The following FAT2 variants were observed in gnomAD, a reference collection of about 807,000 sequenced individuals.
The protein encoded by FAT2 is FAT atypical cadherin 2.
FAT2 carries 150 observed loss-of-function variants against 295.3 expected under a neutral mutation model. The ratio of observed to expected loss-of-function variants is 0.51; its 90% CI spans 0.44 to 0.58. The LOEUF is 0.58. FAT2 is among the 20% of genes least tolerant of loss of function. The pLI is 0.00. For synonymous variants in FAT2, 2,026 were observed against 2,150.3 expected, an observed-to-expected ratio of 0.94 and a Z score of 1.60; for missense variants, 4,868 against 5,442.7, an observed-to-expected ratio of 0.89 and a Z score of 3.32.
At chr5:151,513,938 T>G (rs931564303) in intron 20 of FAT2, among the ~76,000 whole-genome samples, 3 of 152,182 alleles carry the variant, frequency 2.0e-5, no homozygotes, top group Non-Finnish European at 4.4e-5. Flanking sequence ...GTGTAAAAAG[T>G]CCTGAAGTCA....
At chr5:151,590,769 C>T (rs1019798067) in intron 1 of FAT2, among the ~76,000 whole-genome samples, 6 of 152,212 alleles carry the variant, frequency 3.9e-5, no homozygotes, top group Non-Finnish European at 7.3e-5. Context: ...GCACTTCCCC[C>T]TAAAAACTGC....
rs1464442590 is a variant in FAT2 at position 151,507,449 on chromosome 5, C to G, written c.12222G>C (p.Lys4074Asn). 1 of 1,614,060 alleles carries G rather than the reference C, an allele frequency of 6.2e-7. No homozygotes were observed. Among genetic ancestry groups the G allele is most frequent in the Non-Finnish European group, 8.5e-7 (1 of 1,180,036 alleles). The change falls in exon 23 of 24, where the codon AAG (lysine) becomes AAC (asparagine). Residue 4074 changes from lysine (K) to asparagine (N), a missense_variant. This residue lies in a region of FAT2 where 492 missense variants were observed against 482.6 expected (regional missense o/e 1.02). Transcript: ENST00000261800. ...VGLLFYCRRC[K>N]SHKPVAMEDP... ...CCTCCATGGCCACAGGCTTGTGAGA[C>G]TTGCAACGGCGGCAGTAGAAGAGAA...
Position 151,521,385 on chromosome 5 carries a change from G to T in FAT2, c.11208C>A (p.Ile3736=). ...PCQGPTCQGQ[I]CHNTVHLDPK... ...GGTCCAGATGCACTGTGTTATGGCA[G>T]ATTTGACCCTGGCAGGTTGGCCCCT... Residue 3736 remains isoleucine (I), a synonymous_variant, in exon 19 of 24, where the codon ATC becomes ATA. Transcript: ENST00000261800. The T allele has an allele frequency of 1.2e-6, 2 of 1,614,224 alleles. No individual in the cohort carries two copies. The highest frequency in any genetic ancestry group is 2.2e-5 in the East Asian group (1 of 44,890).
At chr5:151,548,582 G>A (rs540544420) in intron 9 of FAT2, among the ~76,000 whole-genome samples, 1 of 152,252 alleles carries the variant, frequency 6.6e-6, no homozygotes, top group African/African-American at 2.4e-5. Flanking sequence ...CCAGGTTCAA[G>A]CGATTCTCCT....
In FAT2 at chr5:151,546,173, G is replaced by A. The variant is rs1042678397; in HGVS notation, c.4954C>T (p.Pro1652Ser). ...AAGATGGGGGCACTCCTATCTGAGG[G>A]ATAGACATGAATGATCACTGTAGCC... ...DLATVIIHVY[P>S]SDRSAPIFSK... The change falls in exon 10 of 24, where the codon CCC becomes TCC. Residue 1652 changes from proline to serine, a missense_variant. By Grantham distance (74) the Pro-to-Ser change is moderately conservative (BLOSUM62 -1). This residue lies in a region of FAT2 where 3,297 missense variants were observed against 3,669.4 expected (regional missense o/e 0.90). Transcript: ENST00000261800. 2 of 1,614,156 alleles carry A rather than the reference G, an allele frequency of 1.2e-6. No individual in the cohort carries two copies. Among genetic ancestry groups the A allele is most frequent in the Non-Finnish European group, 1.7e-6 (2 of 1,180,034 alleles).
intron 20 of FAT2, among the ~76,000 whole-genome samples, chr5:151,513,726 T>G (rs114949483): frequency 0.012 from 1,873 of 152,292 alleles, 40 homozygotes; most frequent in African/African-American, 0.043. Flanking sequence ...AACCTGCATA[T>G]GTACCCCCGA....
At chr5:151,519,141 C>T (rs757121152) in intron 19 of FAT2, among the ~76,000 whole-genome samples, 1 of 152,172 alleles carries the variant, frequency 6.6e-6, no homozygotes, top group Admixed American at 6.5e-5. Flanking sequence ...GTCAGGAGTT[C>T]GAGACCAGCC....
Position 151,531,950 on chromosome 5 carries a change from A to G in FAT2, c.9448T>C (p.Tyr3150His), listed in dbSNP as rs1754669077. The change falls in exon 14 of 24, where the codon TAC (tyrosine) becomes CAC (histidine). Residue 3150 changes from tyrosine (Y) to histidine (H), a missense_variant. Physicochemically the swap from Tyr to His is moderately conservative, Grantham distance 83 (BLOSUM62 2). Transcript: ENST00000261800. This position sits in a 1 kb window ranked among gnomAD's most constrained non-coding sequence, Gnocchi z 5.7. ...PDQGANAQVV[Y>H]SLPDSAEGHF... is the part of the protein sequence containing the mutation. The stretch of plus-strand genomic sequence containing the variant: ...CCTTCGGCTGAATCCGGCAGAGAGT[A>G]AACCACCTGGGCATTGGCGCCTGGC... 6.2e-7 allele frequency: 1 copy of G among 1,614,072 alleles called. No individual in the cohort carries two copies. Among genetic ancestry groups the G allele is most frequent in the African/African-American group, 1.3e-5 (1 of 74,946 alleles).
At chr5:151,537,526 T>C (rs973180958) in intron 12 of FAT2, among the ~76,000 whole-genome samples, 1 of 152,150 alleles carries the variant, frequency 6.6e-6, no homozygotes, top group Admixed American at 6.5e-5. Flanking sequence ...ATAAATCCCC[T>C]TAGCATTCTG....
In FAT2 at chr5:151,567,567, G is replaced by A. The variant is rs34166097; in HGVS notation, c.1365C>T (p.Ala455=). 68,412 of 1,614,126 alleles carry A rather than the reference G, an allele frequency of 0.042. 1,724 individuals are homozygous for A. Among genetic ancestry groups the A allele is most frequent in the Non-Finnish European group, 0.05 (58,701 of 1,180,004 alleles). The change falls in exon 2 of 24, where the codon GCC becomes GCT. Residue 455 remains alanine (A), a synonymous_variant. Coordinates refer to ENST00000261800, the MANE Select transcript of FAT2 (RefSeq NM_001447.3). ...VIDIVDCNNH[A]PLFNRSSYDG... is the part of the protein sequence containing the mutation. ...CATAGGAAGACCTGTTGAAGAGGGG[G>A]GCATGGTTGTTGCAGTCCACAATGT...
intron 12 of FAT2, among the ~76,000 whole-genome samples, chr5:151,535,787 C>G (rs1016654889): frequency 9.9e-5 from 15 of 152,220 alleles, no homozygotes; most frequent in Non-Finnish European, 1.8e-4. Context: ...GGATCTGACA[C>G]TATCTCCAGG....
At chr5:151,528,323 C>A (rs1754240377) in intron 15 of FAT2, among the ~76,000 whole-genome samples, 190 bp from the exon 16 acceptor site, 1 of 152,180 alleles carries the variant, frequency 6.6e-6, no homozygotes, top group Non-Finnish European at 1.5e-5. Context: ...ATGGTTTATT[C>A]ATTCACTCAC....
At chr5:151,581,424 G>A (rs1482930052) in intron 1 of FAT2, among the ~76,000 whole-genome samples, 2 of 152,142 alleles carry the variant, frequency 1.3e-5, no homozygotes. Context: ...CTCATTTCAT[G>A]GAGACTAGTC....
At chr5:151,521,046 T>C (rs959486662) in intron 19 of FAT2, among the ~76,000 whole-genome samples, 1 of 152,212 alleles carries the variant, frequency 6.6e-6, no homozygotes, top group Non-Finnish European at 1.5e-5. Flanking sequence ...AAACCACATA[T>C]TGTAGTCTTA....
intron 21 of FAT2, 42 bp from the exon 22 acceptor site, chr5:151,510,216 G>A: frequency 6.2e-7 from 1 of 1,601,622 alleles, no homozygotes; most frequent in Non-Finnish European, 8.5e-7. Flanking sequence ...CACTGGCCTA[G>A]CAGTTAAAGG....
In FAT2 at chr5:151,522,057, C is replaced by T. The variant is rs200328870; in HGVS notation, c.10536G>A (p.Ser3512=). Residue 3512 remains serine (S), a synonymous_variant, in exon 19 of 24, where the codon TCG becomes TCA. Transcript: ENST00000261800. The stretch of plus-strand genomic sequence containing the variant: ...CATGGACACGGACAGACGTCAAAGA[C>T]GAGAGGGGAGGGATGCCACTGTCTG... ...QASDSGIPPL[S]SLTSVRVHVT... is the part of the protein sequence containing the mutation. The T allele has an allele frequency of 1.8e-5, 28 of 1,598,254 alleles. No individual in the cohort carries two copies. The Admixed American group carries it at 1.8e-4, about 11-fold the overall frequency.
chr5:151,576,159 A>G (rs1318189296), intron 1 of FAT2, among the ~76,000 whole-genome samples: 1 of 152,220 alleles, frequency 6.6e-6, no homozygotes, highest in African/African-American at 2.4e-5. Context: ...TGAGATCTTA[A>G]TATGTGGGCT....
chr5:151,567,832 T>C lies in FAT2; in HGVS notation c.1100A>G (p.Tyr367Cys). 6.2e-7 allele frequency: 1 copy of C among 1,614,174 alleles called. No individual in the cohort carries two copies. Among genetic ancestry groups the C allele is most frequent in the South Asian group, 1.1e-5 (1 of 91,078 alleles). ...GGAAAACTCACTAAGCTGCACTCTG[T>C]AAACAGCCTTCTCGAATTTGAGGGA... ...LSSLKFEKAV[Y>C]RVQLSEFSPP... Residue 367 changes from tyrosine (Y) to cysteine (C), a missense_variant, in exon 2 of 24, where the codon TAC becomes TGC. Physicochemically the swap from Tyr to Cys is radical, Grantham distance 194. This residue lies in a region of FAT2 where 3,297 missense variants were observed against 3,669.4 expected (regional missense o/e 0.90). Coordinates refer to ENST00000261800, the MANE Select transcript of FAT2 (RefSeq NM_001447.3).
At position 151,567,387 on chromosome 5, in the gene FAT2, G is replaced by A. The variant is rs1253175182; in HGVS notation, c.1545C>T (p.Ser515=). Residue 515 remains serine, a synonymous_variant, in exon 2 of 24, where the codon TCC becomes TCT. Transcript: ENST00000261800. ...FSIDPYLGII[S]TSKPMDYELM... Reference sequence around the variant, plus strand: ...GTTCATAGTCCATGGGTTTGGAGGTGGAGATGATCCCCAGGTAGGGGTCAA... The same window carrying A: ...GTTCATAGTCCATGGGTTTGGAGGTAGAGATGATCCCCAGGTAGGGGTCAA... 3 of 1,614,006 alleles carry A rather than the reference G, an allele frequency of 1.9e-6. No homozygotes were observed. The highest frequency in any genetic ancestry group is 1.3e-5 in the African/African-American group (1 of 74,922).
Sources: allele counts gnomAD v4.1 joint callset (sites outside exome capture counted in the v4.1 genomes callset), GRCh38; gene constraint gnomAD v4.1.1; regional missense constraint gnomAD v4.1.1; non-coding constraint Gnocchi (gnomAD v3.1); transcripts MANE v1.5; gene names NCBI Gene and HGNC (gene_info 2026-07-23, HGNC 2026-07-21).